Variants in NELL1 observed in about 807,000 individuals in gnomAD.
The protein encoded by NELL1 is neural EGFL like 1, also known as protein kinase C-binding protein NELL1.
In NELL1, 76 loss-of-function variants were observed where a neutral mutation model predicts 107.4. The ratio of observed to expected loss-of-function variants is 0.71; its 90% confidence interval spans 0.59 to 0.86. NELL1 has a LOEUF of 0.86. NELL1 is among the 40% of genes least tolerant of loss of function. The pLI, the probability that NELL1 is intolerant of heterozygous loss-of-function variation, is 0.00. For synonymous variants in NELL1, 353 were observed against 341.2 expected (o/e 1.03, Z -0.38); for missense variants, 1,024 against 1,005.5 (o/e 1.02, Z -0.25).
In NELL1 at chr11:21,074,656, T is replaced by C. The variant is rs117249089; in HGVS notation, c.1301-38933T>C. Among the ~76,000 whole-genome samples the C allele has an allele frequency of 9.7e-3, 1,189 of 122,766 alleles. 7 individuals are homozygous for C. Among genetic ancestry groups the C allele is most frequent in the Non-Finnish European group, 0.014 (861 of 60,118 alleles). 80.5% of individuals were successfully genotyped at this position (122,766 alleles called of 152,430 possible). A position where few individuals can be genotyped will look rare whatever the true frequency, so the allele number is the denominator to read the frequency against. On this transcript the variant is annotated intron_variant, in intron 12 of 19. Coordinates refer to ENST00000357134, the MANE Select transcript of NELL1 (RefSeq NM_006157.5). ...TCCAGAGATACTGATTTAATTAGCC[T>C]TGGGTGGAATTTACACATGTGTTTT...
intron 14 of NELL1, among the ~76,000 whole-genome samples, chr11:21,324,365 A>C (rs1016613320): frequency 6.6e-6 from 1 of 152,132 alleles, no homozygotes; most frequent in African/African-American, 2.4e-5. Context: ...TGTTTCAAAA[A>C]TTATTGGATA....
At chr11:21,536,016 T>G (rs1232415410) in intron 16 of NELL1, among the ~76,000 whole-genome samples, 1 of 152,082 alleles carries the variant, frequency 6.6e-6, no homozygotes, top group Non-Finnish European at 1.5e-5. Context: ...TTTTTACAGA[T>G]AATATTTGAC....
chr11:21,540,161 A>AT (rs1226745134), intron 16 of NELL1, among the ~76,000 whole-genome samples: 6 of 152,094 alleles, frequency 3.9e-5, no homozygotes, highest in African/African-American at 9.7e-5. Flanking sequence ...CACCTTGAGT[A>AT]TTTATCATTT....
intron 16 of NELL1, among the ~76,000 whole-genome samples, chr11:21,554,277 A>G (rs973048099): frequency 6.6e-6 from 1 of 151,912 alleles, no homozygotes. Context: ...TATAAATAAA[A>G]TGTAATTAGT....
At chr11:20,860,395 G>T (rs1194944249) in intron 4 of NELL1, among the ~76,000 whole-genome samples, 4 of 152,104 alleles carry the variant, frequency 2.6e-5, no homozygotes, top group African/African-American at 9.7e-5. Context: ...TGAATAAATG[G>T]CAAAGCTTCT....
At position 20,794,728 on chromosome 11, in the gene NELL1, C is replaced by A. The variant is rs575192528; in HGVS notation, c.335+10898C>A. ...ATGTTATCTAGATGGAAATTTGATGCTGAGGGGAGACAGGGTGCTGAGGAG... is the reference window on the plus strand; with the variant it reads ...ATGTTATCTAGATGGAAATTTGATGATGAGGGGAGACAGGGTGCTGAGGAG... On this transcript the variant is annotated intron_variant, in intron 3 of 19. Transcript: ENST00000357134. 1.6e-4 allele frequency among the ~76,000 whole-genome samples: 24 copies of A among 152,212 alleles called. No homozygotes were observed. In the South Asian group the frequency reaches 4.8e-3, roughly 30 times the overall value.
intron 4 of NELL1, among the ~76,000 whole-genome samples, chr11:20,874,641 A>C (rs1420250850): frequency 1.3e-5 from 2 of 152,152 alleles, no homozygotes; most frequent in Non-Finnish European, 2.9e-5. Flanking sequence ...CATCTCTCTG[A>C]GTTTGAGGCT....
At chr11:20,814,630 C>T (rs1241808103) in intron 3 of NELL1, among the ~76,000 whole-genome samples, 2 of 152,158 alleles carry the variant, frequency 1.3e-5, no homozygotes, top group Non-Finnish European at 2.9e-5. Context: ...GACGTAATTT[C>T]ATTCTTTTTT....
chr11:21,346,059 C>G (rs1376808005), intron 14 of NELL1, among the ~76,000 whole-genome samples: 1 of 152,190 alleles, frequency 6.6e-6, no homozygotes, highest in African/African-American at 2.4e-5. Context: ...CTAAGTCAAA[C>G]TGGCTTAAGA....
intron 4 of NELL1, among the ~76,000 whole-genome samples, chr11:20,857,246 C>T (rs1848899223): frequency 6.6e-6 from 1 of 152,108 alleles, no homozygotes; most frequent in African/African-American, 2.4e-5. Context: ...TAAAGGCAAA[C>T]AGTGTGAGAG....
intron 2 of NELL1, among the ~76,000 whole-genome samples, chr11:20,679,508 G>A (rs1313921842): frequency 1.3e-5 from 2 of 152,192 alleles, no homozygotes; most frequent in East Asian, 3.8e-4. Context: ...GTAATTATAT[G>A]TAACAAGACT....
intron 15 of NELL1, among the ~76,000 whole-genome samples, chr11:21,372,178 T>C (rs1851371701): frequency 6.6e-6 from 1 of 152,070 alleles, no homozygotes; most frequent in East Asian, 1.9e-4. Flanking sequence ...AATTACCACA[T>C]AGAGCTAAAG....
intron 5 of NELL1, among the ~76,000 whole-genome samples, chr11:20,905,191 T>G (rs1296456883): frequency 6.6e-6 from 1 of 152,000 alleles, no homozygotes; most frequent in African/African-American, 2.4e-5. Flanking sequence ...TTACTACACA[T>G]GACTAGAAAT....
intron 15 of NELL1, among the ~76,000 whole-genome samples, chr11:21,469,931 A>T (rs1854130777): frequency 3.9e-5 from 6 of 151,942 alleles, no homozygotes; most frequent in Admixed American, 3.9e-4. Flanking sequence ...GGATTGGGAC[A>T]CACCAAATGC....
At chr11:21,534,249 T>G in intron 15 of NELL1, 125 bp from the exon 16 acceptor site, 1 of 1,067,298 alleles carries the variant, frequency 9.4e-7, no homozygotes, top group African/African-American at 1.6e-5. Context: ...TCCAGTGACT[T>G]TCATTGTAGG....
intron 14 of NELL1, among the ~76,000 whole-genome samples, chr11:21,267,169 A>G (rs1848652192): frequency 6.6e-6 from 1 of 152,166 alleles, no homozygotes; most frequent in African/African-American, 2.4e-5. Flanking sequence ...CTCATGGTAT[A>G]GAAATGAGAA....
intron 13 of NELL1, among the ~76,000 whole-genome samples, chr11:21,178,963 A>G (rs894956515): frequency 1.3e-5 from 2 of 151,770 alleles, no homozygotes; most frequent in Non-Finnish European, 2.9e-5. Context: ...GTGAAAGCTG[A>G]GAATCTGTAA....
chr11:21,006,343 C>T (rs78768487), intron 12 of NELL1, among the ~76,000 whole-genome samples: 10,021 of 152,106 alleles, frequency 0.066, 364 homozygotes, highest in Middle Eastern at 0.095. Context: ...CCTTCTGCCA[C>T]GTTATAATGC....
At chr11:20,841,515 A>G (rs79605666) in intron 3 of NELL1, among the ~76,000 whole-genome samples, 2,607 of 152,196 alleles carry the variant, frequency 0.017, 82 homozygotes, top group African/African-American at 0.06. Flanking sequence ...ATGCTGACAT[A>G]ATATCAGGAA....
Sources: gnomAD v4.1 joint callset for allele counts (sites outside exome capture counted in the v4.1 genomes callset) on GRCh38, gnomAD v4.1.1 for gene constraint, MANE v1.5 for transcripts, NCBI Gene and HGNC (gene_info 2026-07-23, HGNC 2026-07-21) for gene names.